Variants in LYRM1 observed in about 807,000 individuals in gnomAD.
The protein encoded by LYRM1 is LYR motif-containing protein 1.
Under a neutral mutation model 14.9 loss-of-function variants are expected in LYRM1, and 14 were observed. That is an observed-to-expected ratio of 0.94 (90% CI 0.62 to 1.47). The LOEUF (loss-of-function observed/expected upper bound fraction) is 1.47, where lower values mean the gene tolerates loss of function less well. LYRM1 is among the 40% of genes most tolerant of loss of function. The pLI, the probability that LYRM1 is intolerant of heterozygous loss-of-function variation, is 0.00. For missense variants in LYRM1, 153 were observed against 149.9 expected (o/e 1.02, Z -0.11); for synonymous variants, 43 against 56.2 (o/e 0.77, Z 1.05).
At chr16:20,911,496 C>T (rs963726372) in intron 1 of LYRM1, among the ~76,000 whole-genome samples, 1 of 152,168 alleles carries the variant, frequency 6.6e-6, no homozygotes, top group African/African-American at 2.4e-5. Context: ...CAGCTTACTT[C>T]CCGATCCTGA....
chr16:20,910,949 C>T (rs897578768), intron 1 of LYRM1, among the ~76,000 whole-genome samples: 4 of 152,184 alleles, frequency 2.6e-5, no homozygotes, highest in Admixed American at 6.5e-5. Context: ...GGAACTGACT[C>T]ATGTATTTTC....
intron 1 of LYRM1, among the ~76,000 whole-genome samples, chr16:20,913,133 A>G (rs148645936): frequency 6.6e-6 from 1 of 151,200 alleles, no homozygotes; most frequent in East Asian, 1.9e-4. Flanking sequence ...AAGCAATACT[A>G]TAAATGTTAT....
chr16:20,915,286 C>G (rs1409792286), intron 1 of LYRM1, among the ~76,000 whole-genome samples: 2 of 152,066 alleles, frequency 1.3e-5, no homozygotes, highest in Non-Finnish European at 2.9e-5. Context: ...CGGTGAAACC[C>G]TGTCTCTACT....
intron 3 of LYRM1, among the ~76,000 whole-genome samples, chr16:20,923,242 G>A (rs996601874): frequency 9.2e-5 from 14 of 152,150 alleles, no homozygotes; most frequent in Admixed American, 1.3e-4. Context: ...GCTCATGCCT[G>A]TAATCCCAGC....
intron 1 of LYRM1, among the ~76,000 whole-genome samples, chr16:20,915,211 G>A (rs1246173682): frequency 1.3e-5 from 2 of 152,174 alleles, no homozygotes; most frequent in East Asian, 1.9e-4. Context: ...GGTGGCTCAC[G>A]CTTGTAATCC....
intron 1 of LYRM1, among the ~76,000 whole-genome samples, chr16:20,911,466 T>G (rs967618427): frequency 3.3e-5 from 5 of 152,098 alleles, no homozygotes; most frequent in African/African-American, 1.2e-4. Flanking sequence ...TGGATCATGT[T>G]CCCAAAAGCA....
intron 1 of LYRM1, among the ~76,000 whole-genome samples, chr16:20,913,535 C>T (rs1246293831): frequency 6.6e-5 from 10 of 152,084 alleles, no homozygotes; most frequent in African/African-American, 1.2e-4. Context: ...TGGTCTTGAA[C>T]TCCTTACCTC....
rs1432538056 is a variant in LYRM1, at chr16:20,901,841, G to T, written c.-1+952G>T. On this transcript the variant is annotated intron_variant, in intron 1 of 3. Coordinates refer to ENST00000567954, the MANE Select transcript of LYRM1 (RefSeq NM_001128302.3). This position sits in a 1 kb window ranked among gnomAD's most constrained non-coding sequence, Gnocchi z 4.6. ...GAGAGGTGAAGATAGTGTTGAAAGG[G>T]CCGGCCGGGCGCGGTGGCTCACGCC... Among the ~76,000 whole-genome samples the T allele has an allele frequency of 2.0e-5, 3 of 152,158 alleles. No homozygotes were observed. The highest frequency in any genetic ancestry group is 7.2e-5 in the African/African-American group (3 of 41,436).
intron 1 of LYRM1, among the ~76,000 whole-genome samples, chr16:20,902,115 A>G (rs2082095608): frequency 6.6e-6 from 1 of 152,240 alleles, no homozygotes; most frequent in African/African-American, 2.4e-5. Flanking sequence ...CGTCTTAAGA[A>G]AAAAGAAAAG....
At chr16:20,913,152 A>T (rs1283344674) in intron 1 of LYRM1, among the ~76,000 whole-genome samples, 1 of 151,346 alleles carries the variant, frequency 6.6e-6, no homozygotes, top group Non-Finnish European at 1.5e-5. Context: ...ATGTGTAAAG[A>T]TATGCACAAT....
At position 20,922,563 on chromosome 16, in the gene LYRM1, C is replaced by T. The variant is rs1309413397; in HGVS notation, c.253-1437C>T. Among the ~76,000 whole-genome samples the T allele has an allele frequency of 2.0e-5, 3 of 152,100 alleles. No individual in the cohort carries two copies. In the East Asian group the frequency reaches 5.8e-4, roughly 29 times the overall value. ...GGAGTGCAGTGGCACGATCTCGGCT[C>T]ACTGCAACCTCCACCTCCTGGGTTC... is the stretch of plus-strand genomic sequence containing the variant. On this transcript the variant is annotated intron_variant, in intron 3 of 3. Coordinates refer to ENST00000567954, the MANE Select transcript of LYRM1 (RefSeq NM_001128302.3).
chr16:20,913,605 C>G (rs1157538658), intron 1 of LYRM1, among the ~76,000 whole-genome samples: 2 of 152,120 alleles, frequency 1.3e-5, no homozygotes, highest in African/African-American at 4.8e-5. Context: ...AGCCACTGTA[C>G]CTGGCCTCTA....
intron 1 of LYRM1, among the ~76,000 whole-genome samples, chr16:20,906,470 G>A (rs1323232210): frequency 6.6e-6 from 1 of 152,142 alleles, no homozygotes; most frequent in African/African-American, 2.4e-5. Flanking sequence ...GTTCTGATGA[G>A]GGAAAAAATT....
At chr16:20,907,457 C>A (rs369679886) in intron 1 of LYRM1, among the ~76,000 whole-genome samples, 17 of 152,242 alleles carry the variant, frequency 1.1e-4, no homozygotes, top group African/African-American at 4.1e-4. Flanking sequence ...ATCACCTGGG[C>A]TCAAGGGATC....
At chr16:20,923,172 T>C (rs1175202482) in intron 3 of LYRM1, among the ~76,000 whole-genome samples, 4 of 152,122 alleles carry the variant, frequency 2.6e-5, no homozygotes, top group African/African-American at 4.8e-5. Context: ...ATGTTTAATC[T>C]GGGCACCCAT....
At chr16:20,910,215 G>T (rs529612293) in intron 1 of LYRM1, among the ~76,000 whole-genome samples, 1 of 152,328 alleles carries the variant, frequency 6.6e-6, no homozygotes, top group Admixed American at 6.5e-5. Flanking sequence ...AACAAACCCA[G>T]TAAGAAAAGA....
intron 1 of LYRM1, 88 bp from the exon 2 acceptor site, chr16:20,915,468 A>G (rs1277481143): frequency 1.5e-6 from 2 of 1,325,912 alleles, no homozygotes; most frequent in East Asian, 4.7e-5. Flanking sequence ...TCAAAAAAAA[A>G]AAAAAAAAAC....
chr16:20,908,857 C>T (rs1269749544), intron 1 of LYRM1, among the ~76,000 whole-genome samples: 1 of 152,208 alleles, frequency 6.6e-6, no homozygotes, highest in Admixed American at 6.5e-5. Context: ...CCAAGACAGA[C>T]AGAAGTATGA....
At chr16:20,919,477 T>C (rs1469179158) in intron 2 of LYRM1, among the ~76,000 whole-genome samples, 3 of 152,254 alleles carry the variant, frequency 2.0e-5, no homozygotes, top group Admixed American at 1.3e-4. Context: ...TATGCCTTTG[T>C]CCTAGCAGTC....
Sources: allele counts gnomAD v4.1 joint callset (sites outside exome capture counted in the v4.1 genomes callset), GRCh38; gene constraint gnomAD v4.1.1; non-coding constraint Gnocchi (gnomAD v3.1); transcripts MANE v1.5; gene names NCBI Gene and HGNC (gene_info 2026-07-23, HGNC 2026-07-21).